Variants in PXDNL observed in about 807,000 individuals in gnomAD.
The protein encoded by PXDNL is peroxidasin like.
A neutral mutation model predicts 150.8 loss-of-function variants in PXDNL; 145 were observed. The ratio of observed to expected loss-of-function variants is 0.96; its 90% CI spans 0.84 to 1.10. The LOEUF (loss-of-function observed/expected upper bound fraction) is 1.10. Ranked by LOEUF, PXDNL falls within the 50% of genes least tolerant of loss-of-function variation. The probability of loss-of-function intolerance (pLI) is 0.00; values close to 1 mark genes in which losing one functional copy is unlikely to be tolerated. For missense variants in PXDNL, 2,087 were observed against 1,873.9 expected (o/e 1.11, Z -2.10); for synonymous variants, 757 against 725.7 (o/e 1.04, Z -0.69).
In PXDNL at chr8:51,607,183, T is replaced by C. The variant is rs137873956; in HGVS notation, c.237-14485A>G. On this transcript the variant is annotated intron_variant, in intron 2 of 22. Transcript: ENST00000356297. ...CCATGATCCCACAGACTGATCTGTA[T>C]AGCAGTGGACATAGGAAATGGGGAG... Among the ~76,000 whole-genome samples, 54 of 152,318 alleles carry C rather than the reference T, an allele frequency of 3.5e-4. 1 individual carries two copies. Among genetic ancestry groups the C allele is most frequent in the African/African-American group, 1.2e-3 (50 of 41,566 alleles).
intron 1 of PXDNL, among the ~76,000 whole-genome samples, chr8:51,775,138 C>T (rs2037338858): frequency 6.6e-6 from 1 of 152,022 alleles, no homozygotes; most frequent in Admixed American, 6.6e-5. Flanking sequence ...AGGTAGGTTG[C>T]TTATTAATTA....
At chr8:51,529,071 A>T (rs1289964919) in intron 4 of PXDNL, among the ~76,000 whole-genome samples, 1 of 152,232 alleles carries the variant, frequency 6.6e-6, no homozygotes, top group African/African-American at 2.4e-5. Flanking sequence ...TATAAACATT[A>T]TGGACGATGT....
chr8:51,796,086 C>T (rs1047572012), intron 1 of PXDNL, among the ~76,000 whole-genome samples: 7 of 152,124 alleles, frequency 4.6e-5, no homozygotes, highest in Admixed American at 1.3e-4. Context: ...GCAAATTTCT[C>T]GGCCTTCCAA....
chr8:51,411,221 G>C (rs763307592), intron 16 of PXDNL, 29 bp downstream of exon 16: 24 of 1,402,748 alleles, frequency 1.7e-5, no homozygotes, highest in Non-Finnish European at 2.2e-5. Context: ...TGGGCAGTAG[G>C]CTGAGAATAA....
At chr8:51,621,121 T>C (rs1814243710) in intron 2 of PXDNL, among the ~76,000 whole-genome samples, 1 of 152,316 alleles carries the variant, frequency 6.6e-6, no homozygotes, top group East Asian at 1.9e-4. Context: ...GGAGCATATA[T>C]CAAGTATATC....
At chr8:51,806,493 T>C (rs1168900055) in intron 1 of PXDNL, among the ~76,000 whole-genome samples, 1 of 152,198 alleles carries the variant, frequency 6.6e-6, no homozygotes, top group Non-Finnish European at 1.5e-5. Context: ...TTTCATGATA[T>C]TGCTGACATA....
At chr8:51,462,810 G>C (rs1006811426) in intron 8 of PXDNL, among the ~76,000 whole-genome samples, 8 of 151,904 alleles carry the variant, frequency 5.3e-5, no homozygotes, top group African/African-American at 1.9e-4. Context: ...ATCCCTGCAA[G>C]ATATTACACA....
chr8:51,644,406 A>ATATGTG (rs764867335), intron 2 of PXDNL, among the ~76,000 whole-genome samples: 1 of 23,346 alleles, frequency 4.3e-5, no homozygotes, highest in African/African-American at 7.6e-5. Context: ...ATATATACAC[A>ATATGTG]TGTGTGTGTA....
chr8:51,594,618 T>G (rs1813522426), intron 2 of PXDNL, among the ~76,000 whole-genome samples: 1 of 152,210 alleles, frequency 6.6e-6, no homozygotes, highest in South Asian at 2.1e-4. Context: ...TTAACTTGTT[T>G]TCTTGAGAAT....
rs1249276209 is a variant in PXDNL, at chr8:51,638,700, G to A, written c.236+15989C>T. On this transcript the variant is annotated intron_variant, in intron 2 of 22. Transcript: ENST00000356297. ...ATACAGGAGCACCCAGATTCATGAA[G>A]CAAGTACTTAGAGACCTACAAAGAG... 3.9e-5 allele frequency among the ~76,000 whole-genome samples: 6 copies of A among 152,152 alleles called. No individual in the cohort carries two copies. In the East Asian group the frequency reaches 9.7e-4, roughly 25 times the overall value.
chr8:51,325,363 G>A (rs1413978286), intron 21 of PXDNL, among the ~76,000 whole-genome samples: 2 of 152,190 alleles, frequency 1.3e-5, no homozygotes, highest in Non-Finnish European at 2.9e-5. Context: ...CATGGGAAGA[G>A]GGGTCCCACA....
chr8:51,581,263 G>A (rs1476248409), intron 3 of PXDNL, among the ~76,000 whole-genome samples: 1 of 152,106 alleles, frequency 6.6e-6, no homozygotes, highest in Non-Finnish European at 1.5e-5. Flanking sequence ...AAGACGGGCA[G>A]ATTGCCTGAG....
intron 6 of PXDNL, among the ~76,000 whole-genome samples, chr8:51,477,987 T>A (rs1810519818): frequency 6.6e-6 from 1 of 152,186 alleles, no homozygotes; most frequent in African/African-American, 2.4e-5. Flanking sequence ...TCCTTTTATG[T>A]TCAGAAAATA....
intron 21 of PXDNL, among the ~76,000 whole-genome samples, chr8:51,327,513 T>C (rs1261793526): frequency 6.6e-6 from 1 of 152,206 alleles, no homozygotes; most frequent in Admixed American, 6.5e-5. Flanking sequence ...TACTGCAGAA[T>C]TGTAACTACA....
intron 1 of PXDNL, among the ~76,000 whole-genome samples, chr8:51,794,048 C>A (rs942610820): frequency 6.6e-6 from 1 of 151,624 alleles, no homozygotes; most frequent in Non-Finnish European, 1.5e-5. Flanking sequence ...CCGAATAGAC[C>A]AAGCAGAAGA....
In PXDNL at chr8:51,550,394, A is replaced by G. The variant is rs533508563; in HGVS notation, c.380+6446T>C. Among the ~76,000 whole-genome samples the G allele has an allele frequency of 4.6e-5, 7 of 152,278 alleles. No individual in the cohort carries two copies. The South Asian group carries it at 1.2e-3, about 27-fold the overall frequency. The stretch of plus-strand genomic sequence containing the variant: ...TGATGTAACAAAAAAAGAAAACTAC[A>G]GACCAATGTCCCTGATGAAAATGAT... On this transcript the variant is annotated intron_variant, in intron 4 of 22. Transcript: ENST00000356297.
intron 1 of PXDNL, among the ~76,000 whole-genome samples, chr8:51,738,429 C>T (rs1437830883): frequency 2.0e-5 from 3 of 152,036 alleles, no homozygotes; most frequent in Non-Finnish European, 4.4e-5. Context: ...AAGAACATTC[C>T]ACTTTCTCCC....
chr8:51,579,054 A>G (rs1813150418), intron 3 of PXDNL, among the ~76,000 whole-genome samples: 1 of 152,090 alleles, frequency 6.6e-6, no homozygotes, highest in Non-Finnish European at 1.5e-5. Context: ...GCAGGAAAAG[A>G]ACTGTGAGAC....
intron 1 of PXDNL, among the ~76,000 whole-genome samples, chr8:51,802,333 A>G (rs183838774): frequency 1.9e-4 from 29 of 152,344 alleles, no homozygotes; most frequent in Admixed American, 6.5e-4. Flanking sequence ...GATTTTAAAC[A>G]TAACTCTGAG....
Sources: allele counts gnomAD v4.1 joint callset (sites outside exome capture counted in the v4.1 genomes callset), GRCh38; gene constraint gnomAD v4.1.1; transcripts MANE v1.5; gene names NCBI Gene and HGNC (gene_info 2026-07-23, HGNC 2026-07-21).